The following GDAP1 variants were observed in gnomAD, a reference collection of about 807,000 sequenced individuals.
GDAP1 encodes the protein ganglioside induced differentiation associated protein 1, also known as ganglioside-induced differentiation-associated protein 1.
Under a neutral mutation model 40.1 loss-of-function variants are expected in GDAP1, and 34 were observed. The observed-to-expected ratio is 0.85, with a 90% CI of 0.64 to 1.13. The LOEUF (loss-of-function observed/expected upper bound fraction) is 1.13. GDAP1 is among the 50% of genes most tolerant of loss of function. GDAP1 has a pLI of 0.00. For synonymous variants in GDAP1, 170 were observed against 157.4 expected (o/e 1.08, Z -0.60); for missense variants, 374 against 433.7 (o/e 0.86, Z 1.22).
chr8:74,447,971 GT>G (rs1346453703), intron 2 of GDAP1, among the ~76,000 whole-genome samples: 2 of 152,184 alleles, frequency 1.3e-5, no homozygotes, highest in Non-Finnish European at 2.9e-5. Context: ...ATCTGAAACA[GT>G]TCTGGTACTG....
At chr8:74,381,119 A>G (rs1809946133) in intron 2 of GDAP1, among the ~76,000 whole-genome samples, 1 of 152,008 alleles carries the variant, frequency 6.6e-6, no homozygotes, top group Non-Finnish European at 1.5e-5. Flanking sequence ...GTGATGATAA[A>G]TGAGTGTATT....
intron 2 of GDAP1, among the ~76,000 whole-genome samples, chr8:74,394,592 CAG>C (rs1353634344): frequency 2.0e-5 from 3 of 152,104 alleles, no homozygotes; most frequent in Admixed American, 6.6e-5. Flanking sequence ...CTTCCCCAAG[CAG>C]AGTTAGTCAT....
chr8:74,466,505 G>T (rs1276484912), intron 2 of GDAP1, among the ~76,000 whole-genome samples: 4 of 152,208 alleles, frequency 2.6e-5, no homozygotes, highest in Admixed American at 6.5e-5. Context: ...GGTAATAGTT[G>T]GGCAATGAGA....
chr8:74,423,126 A>G (rs1020479889), intron 2 of GDAP1, among the ~76,000 whole-genome samples: 2 of 147,370 alleles, frequency 1.4e-5, no homozygotes, highest in African/African-American at 4.9e-5. Flanking sequence ...AACATCATCA[A>G]TTCATCTATC....
intron 2 of GDAP1, among the ~76,000 whole-genome samples, chr8:74,475,174 T>C (rs1300998590): frequency 6.6e-6 from 1 of 152,170 alleles, no homozygotes; most frequent in Non-Finnish European, 1.5e-5. Flanking sequence ...TTGCTTTTCT[T>C]TTTTATTAAT....
intron 2 of GDAP1, among the ~76,000 whole-genome samples, chr8:74,426,007 T>C (rs1226397596): frequency 2.0e-5 from 3 of 152,208 alleles, no homozygotes; most frequent in African/African-American, 7.2e-5. Flanking sequence ...AAATTTGATA[T>C]GTTAATTATT....
chr8:74,484,607 C>A (rs951966897), intron 2 of GDAP1, among the ~76,000 whole-genome samples: 1 of 152,070 alleles, frequency 6.6e-6, no homozygotes, highest in African/African-American at 2.4e-5. Flanking sequence ...ATGCTTTTCC[C>A]ATTTCAGAAA....
rs1400620216 is a variant in GDAP1, at chr8:74,454,095, T to C, written c.166-34583T>C. Among the ~76,000 whole-genome samples, 11 of 83,922 alleles carry C rather than the reference T, an allele frequency of 1.3e-4. 4 individuals are homozygous for C. Among genetic ancestry groups the C allele is most frequent in the Non-Finnish European group, 1.9e-4 (8 of 41,226 alleles). The allele number at this position is 83,922 out of a possible 152,430, so 55.1% of individuals were successfully genotyped here. On this transcript the variant is annotated intron_variant, in intron 2 of 2. Transcript: ENST00000523640. ...TCATCAGCTAATTCTGTTTTTGTTT[T>C]GTTATTTAACAAATGTCTAGTGAGT...
At position 74,394,499 on chromosome 8, in the gene GDAP1, A is replaced by G. The variant is rs928242090; in HGVS notation, c.165+43178A>G. Among the ~76,000 whole-genome samples the G allele has an allele frequency of 5.9e-5, 9 of 152,288 alleles. No homozygotes were observed. The South Asian group carries it at 1.2e-3, about 21-fold the overall frequency. On this transcript the variant is annotated intron_variant, in intron 2 of 2. Coordinates refer to the GDAP1 transcript ENST00000523640. ...TGATGGGTCCCTGAAGGAGACACAT[A>G]TTCACATCTCTGTGCTTTTCACTTG...
intron 2 of GDAP1, among the ~76,000 whole-genome samples, chr8:74,465,704 C>T (rs1383517643): frequency 1.3e-5 from 2 of 152,228 alleles, no homozygotes; most frequent in African/African-American, 4.8e-5. Flanking sequence ...CTGGCTCCCT[C>T]TCCAAACTGC....
intron 2 of GDAP1, among the ~76,000 whole-genome samples, chr8:74,468,832 C>T (rs775668992): frequency 2.0e-5 from 3 of 152,068 alleles, no homozygotes; most frequent in Non-Finnish European, 4.4e-5. Flanking sequence ...AACTCCAGTA[C>T]GATGTTAAAT....
chr8:74,443,976 G>GTCTATCTA (rs768541030), intron 2 of GDAP1, among the ~76,000 whole-genome samples: 11 of 130,916 alleles, frequency 8.4e-5, no homozygotes, highest in Non-Finnish European at 1.5e-4. Flanking sequence ...TATTCTTTCT[G>GTCTATCTA]TCTGTCTATC....
Position 74,351,457 on chromosome 8 carries a change from T to G in GDAP1, c.301T>G (p.Phe101Val). The G allele has an allele frequency of 6.2e-7, 1 of 1,611,616 alleles. No individual in the cohort carries two copies. Among genetic ancestry groups the G allele is most frequent in the Non-Finnish European group, 8.5e-7 (1 of 1,177,682 alleles). ...GATCATTGATTATCTTGAACAGACT[T>G]TCCTGGATGGTAATGTTAAGGCTAC... ...TQIIDYLEQT[F>V]LDERTPRLMP... Residue 101 changes from phenylalanine (F) to valine (V), a missense_variant, in exon 2 of 6, where the codon TTC becomes GTC. By Grantham distance (50) the Phe-to-Val change is conservative. Transcript: ENST00000220822.
chr8:74,433,545 GATGA>G (rs769093745), intron 2 of GDAP1, among the ~76,000 whole-genome samples: 3 of 152,068 alleles, frequency 2.0e-5, no homozygotes, highest in Non-Finnish European at 4.4e-5. Context: ...GTAAATATTT[GATGA>G]ATGAACAATT....
intron 2 of GDAP1, among the ~76,000 whole-genome samples, chr8:74,353,201 G>T (rs1236558920): frequency 6.6e-6 from 1 of 152,154 alleles, no homozygotes; most frequent in African/African-American, 2.4e-5. Context: ...GATTACTTAA[G>T]AATTAGAAGA....
At chr8:74,435,188 C>T (rs1806073351) in intron 2 of GDAP1, among the ~76,000 whole-genome samples, 1 of 152,154 alleles carries the variant, frequency 6.6e-6, no homozygotes, top group Non-Finnish European at 1.5e-5. Context: ...AACATGGAAT[C>T]TAAGATACTG....
chr8:74,361,523 A>C (rs560677935), intron 3 of GDAP1, among the ~76,000 whole-genome samples: 1 of 151,906 alleles, frequency 6.6e-6, no homozygotes, highest in South Asian at 2.1e-4. Context: ...CAGCCTCCCG[A>C]GTAGCTGGGA....
In GDAP1 at chr8:74,453,977, G is replaced by A. The variant is rs1454671235; in HGVS notation, c.166-34701G>A. Among the ~76,000 whole-genome samples the A allele has an allele frequency of 7.7e-5, 5 of 64,898 alleles. 1 individual carries two copies. The highest frequency in any genetic ancestry group is 2.7e-4 in the African/African-American group (3 of 10,972). The allele number at this position is 64,898 out of a possible 152,430, so 42.6% of individuals were successfully genotyped here. ...CACACACACACACACACACACACAC[G>A]TATTCTAAAGACCCAAGGAAAAATT... On this transcript the variant is annotated intron_variant, in intron 2 of 2. Transcript: ENST00000523640.
intron 2 of GDAP1, among the ~76,000 whole-genome samples, chr8:74,422,309 C>CTT (rs1563465236): frequency 2.5e-5 from 1 of 39,452 alleles, no homozygotes; most frequent in Admixed American, 3.3e-4. Flanking sequence ...TTCTTTCTTT[C>CTT]TTTCTTTCTT....
Sources: allele counts gnomAD v4.1 joint callset (sites outside exome capture counted in the v4.1 genomes callset), GRCh38; gene constraint gnomAD v4.1.1; transcripts MANE v1.5; gene names NCBI Gene and HGNC (gene_info 2026-07-23, HGNC 2026-07-21).